SLC33A1: variants seen among roughly 807,000 people sequenced by gnomAD.
SLC33A1 encodes acetyl-coenzyme A transporter 1.
A neutral mutation model predicts 50.0 loss-of-function variants in SLC33A1; 20 were observed. The observed-to-expected ratio is 0.40, with a 90% CI of 0.28 to 0.58. The LOEUF (loss-of-function observed/expected upper bound fraction) is 0.58. Among genes scored for constraint, SLC33A1 ranks in the 20% least tolerant of loss-of-function variants. The pLI is 0.44. For synonymous variants in SLC33A1, 265 were observed against 251.8 expected, an observed-to-expected ratio of 1.05 and a Z score of -0.50; for missense variants, 476 against 657.0, an observed-to-expected ratio of 0.72 and a Z score of 3.01.
chr3:155,829,465 G>A (rs552917376), intron 5 of SLC33A1, among the ~76,000 whole-genome samples: 4 of 152,144 alleles, frequency 2.6e-5, no homozygotes, highest in African/African-American at 4.8e-5. Flanking sequence ...AAGAGAGATC[G>A]CCTCTCCTTT....
intron 2 of SLC33A1, among the ~76,000 whole-genome samples, chr3:155,841,846 C>T (rs985173621): frequency 6.6e-6 from 1 of 152,066 alleles, no homozygotes; most frequent in Admixed American, 6.6e-5. Context: ...GTCCTGGGTT[C>T]AAGTGATTCT....
intron 1 of SLC33A1, among the ~76,000 whole-genome samples, chr3:155,848,096 T>C (rs1197203114): frequency 6.6e-6 from 1 of 152,118 alleles, no homozygotes; most frequent in East Asian, 1.9e-4. Flanking sequence ...AAGACATAGA[T>C]TAGATAGATG....
chr3:155,853,015 T>A (rs1177180529), intron 1 of SLC33A1: 2 of 592,266 alleles, frequency 3.4e-6, no homozygotes, highest in East Asian at 5.7e-5. Flanking sequence ...CCTCTCCCTG[T>A]TAACCGCATA....
At chr3:155,839,300 CAAAAAA>C (rs550171374) in intron 2 of SLC33A1, among the ~76,000 whole-genome samples, 3 of 25,702 alleles carry the variant, frequency 1.2e-4, no homozygotes, top group South Asian at 3.8e-3. Flanking sequence ...AACTCCGCCT[CAAAAAA>C]AAAAAAAAAA....
At chr3:155,834,807 C>T (rs1184818997) in intron 2 of SLC33A1, among the ~76,000 whole-genome samples, 2 of 152,068 alleles carry the variant, frequency 1.3e-5, no homozygotes, top group South Asian at 4.1e-4. Flanking sequence ...TTTGATCTTC[C>T]TGTCTTATAT....
chr3:155,848,563 T>C (rs1269478952), intron 1 of SLC33A1, among the ~76,000 whole-genome samples: 1 of 152,038 alleles, frequency 6.6e-6, no homozygotes, highest in Non-Finnish European at 1.5e-5. Flanking sequence ...GCGCCTGTAG[T>C]CCCAGCTACT....
At position 155,833,593 on chromosome 3, in the gene SLC33A1, G is replaced by C. The variant is rs765901673; in HGVS notation, c.1149-8C>G. On this transcript the variant is annotated splice_polypyrimidine_tract_variant and splice_region_variant and intron_variant, in intron 3 of 5. Transcript: ENST00000643144. ...TCTAACCCAAGCAATAATCTATAGA[G>C]AAAGAAACATTGAGTTGACTTCCAT... The C allele has an allele frequency of 3.8e-5, 56 of 1,470,856 alleles. No homozygotes were observed. In the South Asian group the frequency reaches 6.1e-4, roughly 16 times the overall value. The allele number at this position is 1,470,856 out of a possible 1,614,324, so 91.1% of individuals were successfully genotyped here.
chr3:155,833,534 T>G lies in SLC33A1; in HGVS notation c.1200A>C (p.Val400=), dbSNP rs1179014220. 6.2e-7 allele frequency: 1 copy of G among 1,605,310 alleles called. No individual in the cohort carries two copies. Among genetic ancestry groups the G allele is most frequent in the African/African-American group, 1.3e-5 (1 of 74,744 alleles). ...ATATAGGGAATCCCCCTTGATGTTC[T>G]ACTTTAGGAGTCCACCAAACCAGTA... ...YALLVWWTPK[V]EHQGGFPIYY... The change falls in exon 4 of 6, where the codon GTA becomes GTC. Residue 400 remains valine (V), a synonymous_variant. Coordinates refer to ENST00000643144, the MANE Select transcript of SLC33A1 (RefSeq NM_004733.4).
At chr3:155,834,765 A>G (rs1180190439) in intron 2 of SLC33A1, among the ~76,000 whole-genome samples, 3 of 152,222 alleles carry the variant, frequency 2.0e-5, no homozygotes, top group African/African-American at 7.2e-5. Flanking sequence ...GGCTTTCAGT[A>G]TAATTCCCTG....
chr3:155,843,021 AAG>A (rs35153448), intron 1 of SLC33A1: 27,835 of 148,242 alleles, frequency 0.19, 3,117 homozygotes, highest in South Asian at 0.35. Context: ...AAAAAAAAAA[AAG>A]TCAACATTTA....
At chr3:155,852,318 AAAG>A (rs1233812486) in intron 1 of SLC33A1, among the ~76,000 whole-genome samples, 1 of 152,172 alleles carries the variant, frequency 6.6e-6, no homozygotes, top group Non-Finnish European at 1.5e-5. Context: ...CAATTAAAAA[AAAG>A]AAGAAAAAAG....
chr3:155,853,792 C>T lies in SLC33A1; in HGVS notation c.206G>A (p.Arg69Gln). Residue 69 changes from arginine to glutamine, a missense_variant, in exon 1 of 6, where the codon CGG (arginine) becomes CAG (glutamine). By Grantham distance (43) the Arg-to-Gln change is conservative (BLOSUM62 1). Transcript: ENST00000643144. ...GDFLKAPQSF[R>Q]AELSSILLLL... Reference sequence around the variant, plus strand: ...TAGCAAAATGCTGCTTAGTTCGGCCCGGAAGCTCTGTGGGGCTTTTAAGAA... The same window carrying T: ...TAGCAAAATGCTGCTTAGTTCGGCCTGGAAGCTCTGTGGGGCTTTTAAGAA... 1 of 1,613,370 alleles carries T rather than the reference C, an allele frequency of 6.2e-7. No individual in the cohort carries two copies. Among genetic ancestry groups the T allele is most frequent in the South Asian group, 1.1e-5 (1 of 91,076 alleles).
rs367543638 is a variant in SLC33A1, at chr3:155,830,086, G to A, written c.1267-183C>T. Among the ~76,000 whole-genome samples the A allele has an allele frequency of 3.5e-4, 53 of 152,114 alleles. 1 individual carries two copies. The highest frequency in any genetic ancestry group is 2.1e-3 in the South Asian group (10 of 4,822). On this transcript the variant is annotated intron_variant, in intron 4 of 5. Transcript: ENST00000643144. ...CTTTAAGATCACAGCAATACAGGCC[G>A]GGCGCGGTGGCTCATGCCTGTAATT...
At position 155,853,251 on chromosome 3, in the gene SLC33A1, A is replaced by C; in HGVS notation, c.747T>G (p.Pro249=). The change falls in exon 1 of 6, where the codon CCT becomes CCG. Residue 249 remains proline, a synonymous_variant. Transcript: ENST00000643144. The part of the protein sequence containing the change: ...DFCNKYLRFQ[P]QPRGIVTLSD... ...AAAGAGTAACGATTCCTCTGGGTTG[A>C]GGCTGAAACCGCAAATATTTGTTAC... 6.2e-7 allele frequency: 1 copy of C among 1,613,988 alleles called. No homozygotes were observed. The highest frequency in any genetic ancestry group is 8.5e-7 in the Non-Finnish European group (1 of 1,179,970).
intron 2 of SLC33A1, among the ~76,000 whole-genome samples, chr3:155,837,343 G>A (rs1577464471): frequency 2.2e-5 from 3 of 133,344 alleles, no homozygotes; most frequent in Middle Eastern, 4.5e-3. Context: ...GGGACAGAGC[G>A]AGACTCCGTC....
chr3:155,829,618 C>G lies in SLC33A1; in HGVS notation c.1482+70G>C, dbSNP rs1427579660. The G allele has an allele frequency of 2.2e-5, 24 of 1,114,568 alleles. No homozygotes were observed. In the East Asian group the frequency reaches 4.4e-4, roughly 20 times the overall value. 69.0% of individuals were successfully genotyped at this position (1,114,568 alleles called of 1,614,324 possible). ...GATTTTTAAAAAAGATATAGTACTT[C>G]TAGAGACAAAACAAAGATATTAATA... is the stretch of plus-strand genomic sequence containing the variant. On this transcript the variant is annotated intron_variant, in intron 5 of 5. Transcript: ENST00000643144.
chr3:155,854,300 G>A lies in SLC33A1; in HGVS notation c.-303C>T, dbSNP rs1171207574. 6.8e-6 allele frequency: 2 copies of A among 293,562 alleles called. No individual in the cohort carries two copies. Among genetic ancestry groups the A allele is most frequent in the Non-Finnish European group, 1.3e-5 (2 of 158,168 alleles). 18.2% of individuals were successfully genotyped at this position (293,562 alleles called of 1,614,324 possible). On this transcript the variant is annotated 5_prime_UTR_variant, in exon 1 of 6. Transcript: ENST00000643144. ...CGAGGCTGGAGGTGTGTGCCGTGGT[G>A]CCAGGATGGAAACCAGCTCCTACCT...
At chr3:155,830,441 G>A (rs1464477303) in intron 4 of SLC33A1, among the ~76,000 whole-genome samples, 1 of 151,760 alleles carries the variant, frequency 6.6e-6, no homozygotes, top group Non-Finnish European at 1.5e-5. Context: ...ATGTGACCTT[G>A]GTCCTTCTGT....
intron 3 of SLC33A1, 32 bp from the exon 4 acceptor site, chr3:155,833,617 AT>A: frequency 7.8e-7 from 1 of 1,277,090 alleles, no homozygotes; most frequent in Non-Finnish European, 1.1e-6. Flanking sequence ...GTTGACTTCC[AT>A]TTTAGCTTAA....
Sources: gnomAD v4.1 joint callset for allele counts (sites outside exome capture counted in the v4.1 genomes callset) on GRCh38, gnomAD v4.1.1 for gene constraint, MANE v1.5 for transcripts, NCBI Gene and HGNC (gene_info 2026-07-23, HGNC 2026-07-21) for gene names.